Variants in MAP4K5 observed in about 807,000 individuals in gnomAD.
MAP4K5 encodes the protein MAPK/ERK kinase kinase kinase 5.
Under a neutral mutation model 135.6 loss-of-function variants are expected in MAP4K5, and 82 were observed. That is an observed-to-expected ratio of 0.60 (90% CI 0.51 to 0.73). The LOEUF (loss-of-function observed/expected upper bound fraction) is 0.73, where lower values mean the gene tolerates loss of function less well. Among genes scored for constraint, MAP4K5 ranks in the 30% least tolerant of loss-of-function variants. The probability of loss-of-function intolerance (pLI) is 0.00; values close to 1 mark genes in which losing one functional copy is unlikely to be tolerated. For missense variants in MAP4K5, 907 were observed against 1,010.9 expected, an observed-to-expected ratio of 0.90 and a Z score of 1.39; for synonymous variants, 347 against 335.0, an observed-to-expected ratio of 1.04 and a Z score of -0.39.
intron 19 of MAP4K5, 21 bp downstream of exon 19, chr14:50,443,917 GC>G: frequency 6.4e-7 from 1 of 1,558,796 alleles, no homozygotes; most frequent in Non-Finnish European, 8.8e-7. Flanking sequence ...ACAACTAATT[GC>G]TAAATGCCTG....
chr14:50,557,665 A>G (rs938608063), intron 1 of MAP4K5, among the ~76,000 whole-genome samples: 1 of 152,178 alleles, frequency 6.6e-6, no homozygotes, highest in African/African-American at 2.4e-5. Flanking sequence ...GTATGTTTAT[A>G]TTTTCATACT....
At position 50,522,382 on chromosome 14, in the gene MAP4K5, T is replaced by G. The variant is rs552130172; in HGVS notation, c.108+9560A>C. ...ATAACATGTATTTTGCTCCCAGGTA[T>G]GGTTCAGAGCTTCACATTCATCATT... On this transcript the variant is annotated intron_variant, in intron 2 of 32. Transcript: ENST00000682126. Among the ~76,000 whole-genome samples, 4 of 152,318 alleles carry G rather than the reference T, an allele frequency of 2.6e-5. No homozygotes were observed. The South Asian group carries it at 8.3e-4, about 32-fold the overall frequency.
intron 2 of MAP4K5, among the ~76,000 whole-genome samples, chr14:50,531,338 T>C (rs950889414): frequency 1.3e-5 from 2 of 152,164 alleles, no homozygotes; most frequent in Non-Finnish European, 2.9e-5. Context: ...AAGGAACCGC[T>C]AAAGTAAAAC....
At chr14:50,542,804 C>G (rs1174069797) in intron 1 of MAP4K5, among the ~76,000 whole-genome samples, 3 of 152,068 alleles carry the variant, frequency 2.0e-5, no homozygotes, top group Admixed American at 6.5e-5. Context: ...AATGGGGTGG[C>G]CCTGAAAGAT....
Position 50,500,001 on chromosome 14 carries a change from T to G in MAP4K5, c.166+4799A>C, listed in dbSNP as rs184756896. On this transcript the variant is annotated intron_variant, in intron 3 of 32. Transcript: ENST00000682126. ...TCAAGGGAAAAAAATGTCTATAGAGTTTTTTGAGGGTAGAGGGAGAAGAAC... is the reference window on the plus strand; with the variant it reads ...TCAAGGGAAAAAAATGTCTATAGAGGTTTTTGAGGGTAGAGGGAGAAGAAC... Among the ~76,000 whole-genome samples, 5 of 152,036 alleles carry G rather than the reference T, an allele frequency of 3.3e-5. No individual in the cohort carries two copies. The East Asian group carries it at 7.7e-4, about 23-fold the overall frequency.
chr14:50,536,419 A>G (rs2038492997), upstream of MAP4K5, among the ~76,000 whole-genome samples: 1 of 144,324 alleles, frequency 6.9e-6, no homozygotes, highest in Non-Finnish European at 1.5e-5. Flanking sequence ...CTGGGCAACA[A>G]GAGCAAAACT....
chr14:50,488,647 G>C (rs2037419279), intron 3 of MAP4K5, among the ~76,000 whole-genome samples: 1 of 152,034 alleles, frequency 6.6e-6, no homozygotes, highest in South Asian at 2.1e-4. Context: ...TTGAGTTCTG[G>C]GTTCCACCCT....
chr14:50,471,765 T>A (rs2036968649), intron 9 of MAP4K5: 1 of 152,176 alleles, frequency 6.6e-6, no homozygotes, highest in Non-Finnish European at 1.5e-5. Flanking sequence ...GTAAGGGAGT[T>A]ATTCTTTCTA....
chr14:50,441,291 GAGAATGGAGAAGGCT>G (rs1338814845), intron 21 of MAP4K5, among the ~76,000 whole-genome samples: 1 of 152,066 alleles, frequency 6.6e-6, no homozygotes, highest in East Asian at 1.9e-4. Flanking sequence ...ATAGTAACCT[GAGAATGGAGAAGGCT>G]AGTGAACACT....
At chr14:50,458,626 A>G (rs1306340109) in intron 13 of MAP4K5, among the ~76,000 whole-genome samples, 1 of 151,598 alleles carries the variant, frequency 6.6e-6, no homozygotes, top group East Asian at 1.9e-4. Flanking sequence ...TTCCTTATCA[A>G]TCTCCTTTGC....
Position 50,423,139 on chromosome 14 carries a change from C to T in MAP4K5, c.2435G>A (p.Arg812His), listed in dbSNP as rs781609151. 3.0e-5 allele frequency: 47 copies of T among 1,572,584 alleles called. No individual in the cohort carries two copies. The highest frequency in any genetic ancestry group is 3.6e-5 in the Non-Finnish European group (41 of 1,148,036). ...QEISDETRVFRLLGSDRVVVL... is the reference protein window; with the variant it reads ...QEISDETRVFHLLGSDRVVVL... ...CTATTACCTGTCTGATCCTAATAAG[C>T]GGAAAACTCTTGTTTCATCTGAAAT... The change falls in exon 32 of 33, where the codon CGC becomes CAC. Residue 812 changes from arginine (R) to histidine (H), a missense_variant. Around this residue, in one of 3 missense-constraint regions of MAP4K5, gnomAD observed 690 missense variants for 777.4 expected, o/e 0.89. Coordinates refer to ENST00000682126, the MANE Select transcript of MAP4K5 (RefSeq NM_006575.6).
At chr14:50,512,588 A>T (rs1399571577) in intron 2 of MAP4K5, among the ~76,000 whole-genome samples, 2 of 152,158 alleles carry the variant, frequency 1.3e-5, no homozygotes, top group Non-Finnish European at 2.9e-5. Context: ...GTTTTCTCCA[A>T]ATGAAGAACC....
At chr14:50,459,712 T>TC (rs2036668612) in intron 13 of MAP4K5, among the ~76,000 whole-genome samples, 1 of 151,354 alleles carries the variant, frequency 6.6e-6, no homozygotes, top group Non-Finnish European at 1.5e-5. Flanking sequence ...TTTTTTTTTT[T>TC]CCTGAGACAG....
At chr14:50,420,883 T>C (rs894284199) in intron 32 of MAP4K5, among the ~76,000 whole-genome samples, 2 of 149,438 alleles carry the variant, frequency 1.3e-5, no homozygotes, top group East Asian at 3.9e-4. Flanking sequence ...AAAGGACTGA[T>C]AGGAAAAAAA....
At chr14:50,454,293 T>G (rs2036553655) in intron 14 of MAP4K5, among the ~76,000 whole-genome samples, 1 of 152,284 alleles carries the variant, frequency 6.6e-6, no homozygotes, top group African/African-American at 2.4e-5. Flanking sequence ...TTAAGAAAAC[T>G]GATTGTGAAG....
rs565084963 is a variant in MAP4K5 at position 50,560,115 on chromosome 14, C to A, written c.-180+925G>T. ...TTTCTCCTCCCTTTTCCTCCCCACT[C>A]CTTCCCACCAGCGCCACAGCAACAT... On this transcript the variant is annotated intron_variant, in intron 1 of 8. Coordinates refer to the MAP4K5 transcript ENST00000555216. 5.2e-5 allele frequency: 45 copies of A among 871,416 alleles called. No homozygotes were observed. The South Asian group carries it at 6.1e-4, about 12-fold the overall frequency. The allele number at this position is 871,416 out of a possible 1,614,324, so 54.0% of individuals were successfully genotyped here.
At chr14:50,519,412 C>T (rs1191140468) in intron 2 of MAP4K5, among the ~76,000 whole-genome samples, 1 of 151,924 alleles carries the variant, frequency 6.6e-6, no homozygotes, top group Non-Finnish European at 1.5e-5. Context: ...CCCAGCACTT[C>T]GGGAGGTCAA....
intron 2 of MAP4K5, among the ~76,000 whole-genome samples, chr14:50,538,024 G>T (rs1231585100): frequency 2.6e-5 from 4 of 152,126 alleles, no homozygotes; most frequent in African/African-American, 9.7e-5. Context: ...GGGAGGGGCC[G>T]GGGGCAGAAT....
chr14:50,522,426 T>C (rs1166215725), intron 2 of MAP4K5, among the ~76,000 whole-genome samples: 2 of 152,170 alleles, frequency 1.3e-5, no homozygotes, highest in Non-Finnish European at 2.9e-5. Context: ...ATTTTCTCTT[T>C]AGGCAGTCAC....
Sources: gnomAD v4.1 joint callset for allele counts (sites outside exome capture counted in the v4.1 genomes callset) on GRCh38, gnomAD v4.1.1 for gene constraint, gnomAD v4.1.1 regional missense constraint, MANE v1.5 for transcripts, NCBI Gene and HGNC (gene_info 2026-07-23, HGNC 2026-07-21) for gene names.